The following GPC5 variants were observed in gnomAD, a reference collection of about 807,000 sequenced individuals.
The protein encoded by GPC5 is glypican 5, also known as glypican-5.
GPC5 carries 47 observed loss-of-function variants against 53.9 expected under a neutral mutation model. The observed-to-expected ratio is 0.87, with a 90% CI of 0.69 to 1.11. The LOEUF is 1.11. Ranked by LOEUF, GPC5 falls within the 50% of genes most tolerant of loss-of-function variation. The pLI is 0.00. For missense variants in GPC5, 748 were observed against 713.1 expected (o/e 1.05, Z -0.56); for synonymous variants, 286 against 263.3 (o/e 1.09, Z -0.84).
At chr13:91,816,710 C>T (rs1348904900) in intron 5 of GPC5, among the ~76,000 whole-genome samples, 2 of 152,052 alleles carry the variant, frequency 1.3e-5, no homozygotes, top group African/African-American at 2.4e-5. Flanking sequence ...TTGCAAGTTT[C>T]CCTACAACAG....
At position 91,833,597 on chromosome 13, in the gene GPC5, C is replaced by T. The variant is rs571712350; in HGVS notation, c.1281-74340C>T. On this transcript the variant is annotated intron_variant, in intron 5 of 7. Transcript: ENST00000377067. ...CTGGGATGGTTCAACATATGCAAAT[C>T]GATAAATGTAATCCATCACATAAAC... is the stretch of plus-strand genomic sequence containing the variant. Among the ~76,000 whole-genome samples, 13 of 152,240 alleles carry T rather than the reference C, an allele frequency of 8.5e-5. No homozygotes were observed. In the East Asian group the frequency reaches 1.9e-3, roughly 23 times the overall value.
intron 6 of GPC5, among the ~76,000 whole-genome samples, chr13:92,057,852 A>C (rs1368443492): frequency 2.6e-5 from 4 of 152,040 alleles, no homozygotes; most frequent in Non-Finnish European, 5.9e-5. Flanking sequence ...TACTCTTTAT[A>C]TCTAACCTGT....
rs1555306318 is a variant in GPC5 at position 91,432,203 on chromosome 13, C to CTGGTGTGTGTGTG, written c.164-16556_164-16555insGTGTGTGTGTGTG. 2.4e-3 allele frequency among the ~76,000 whole-genome samples: 322 copies of CTGGTGTGTGTGTG among 136,450 alleles called. 3 individuals are homozygous for CTGGTGTGTGTGTG. Among genetic ancestry groups the CTGGTGTGTGTGTG allele is most frequent in the African/African-American group, 8.1e-3 (294 of 36,090 alleles). 89.5% of individuals were successfully genotyped at this position (136,450 alleles called of 152,430 possible). A position where few individuals can be genotyped will look rare whatever the true frequency, so the allele number is the denominator to read the frequency against. On this transcript the variant is annotated intron_variant, in intron 1 of 7. Transcript: ENST00000377067. ...GCTTCCACTGCTGCTGCTGCTGCTGCTGTGTGTGTGTGTGTGTGTGTGTGT... is the reference window on the plus strand; with the variant it reads ...GCTTCCACTGCTGCTGCTGCTGCTGCTGGTGTGTGTGTGTGTGTGTGTGTGTGTGTGTGTGTGT...
At chr13:92,339,159 T>C (rs961402108) in intron 7 of GPC5, among the ~76,000 whole-genome samples, 1 of 151,090 alleles carries the variant, frequency 6.6e-6, no homozygotes, top group Non-Finnish European at 1.5e-5. Context: ...ATATCATACA[T>C]ATGTATCATA....
chr13:91,704,846 C>T lies in GPC5; in HGVS notation c.1020+10965C>T, dbSNP rs368475019. Among the ~76,000 whole-genome samples, 22 of 152,328 alleles carry T rather than the reference C, an allele frequency of 1.4e-4. No homozygotes were observed. In the East Asian group the frequency reaches 1.7e-3, roughly 12 times the overall value. On this transcript the variant is annotated intron_variant, in intron 3 of 7. Transcript: ENST00000377067. Reference sequence around the variant, plus strand: ...TAAGAAGGAAAATCTCTTTCCACACCTGTGATCATTCTTGGTCAATAGTTG... The same window carrying T: ...TAAGAAGGAAAATCTCTTTCCACACTTGTGATCATTCTTGGTCAATAGTTG...
intron 7 of GPC5, among the ~76,000 whole-genome samples, chr13:92,551,862 A>C (rs1446741176): frequency 6.6e-6 from 1 of 151,934 alleles, no homozygotes; most frequent in Admixed American, 6.6e-5. Flanking sequence ...AAAGAAGTCA[A>C]GCAAGTCTCT....
chr13:92,588,515 T>A (rs1238998791), intron 7 of GPC5, among the ~76,000 whole-genome samples: 2 of 152,230 alleles, frequency 1.3e-5, no homozygotes, highest in Non-Finnish European at 2.9e-5. Context: ...CTGCTTTAGA[T>A]AAGCCCTTTT....
intron 5 of GPC5, among the ~76,000 whole-genome samples, chr13:91,769,084 A>C (rs1417200515): frequency 6.6e-6 from 1 of 152,208 alleles, no homozygotes; most frequent in Non-Finnish European, 1.5e-5. Flanking sequence ...GGGGACTGGT[A>C]AGTCCAAAAT....
At chr13:92,099,121 T>C (rs896612156) in intron 6 of GPC5, among the ~76,000 whole-genome samples, 2 of 152,146 alleles carry the variant, frequency 1.3e-5, no homozygotes, top group African/African-American at 4.8e-5. Flanking sequence ...ACAAGTTTTT[T>C]TCCCCTCCAC....
At chr13:92,320,056 T>G (rs2043205789) in intron 7 of GPC5, among the ~76,000 whole-genome samples, 1 of 152,126 alleles carries the variant, frequency 6.6e-6, no homozygotes, top group Non-Finnish European at 1.5e-5. Flanking sequence ...TCAAAGTAAT[T>G]AATGTACCTA....
In GPC5 at chr13:92,138,535, AAAAAAT is replaced by A. The variant is rs755613645; in HGVS notation, c.1402-6289_1402-6284del. Among the ~76,000 whole-genome samples, 1,371 of 150,904 alleles carry A rather than the reference AAAAAAT, an allele frequency of 9.1e-3. 35 individuals carry two copies. Among genetic ancestry groups the A allele is most frequent in the Non-Finnish European group, 7.3e-3 (493 of 67,614 alleles). Reference sequence around the variant, plus strand: ...ACTCCATCTCAAAAAAATAAAAAATAAAAAATAAAAAAAAATAAAAATAAAAATAAA... The same window carrying A: ...ACTCCATCTCAAAAAAATAAAAAATAAAAAAAAAATAAAAATAAAAATAAA... On this transcript the variant is annotated intron_variant, in intron 6 of 7. Coordinates refer to ENST00000377067, the MANE Select transcript of GPC5 (RefSeq NM_004466.6).
intron 7 of GPC5, among the ~76,000 whole-genome samples, chr13:92,209,016 A>T (rs774028059): frequency 1.3e-5 from 2 of 152,236 alleles, no homozygotes; most frequent in African/African-American, 4.8e-5. Flanking sequence ...AAAATATTAG[A>T]TACAGAGTAA....
chr13:92,349,677 C>A (rs1190534501), intron 7 of GPC5, among the ~76,000 whole-genome samples: 1 of 151,828 alleles, frequency 6.6e-6, no homozygotes, highest in Admixed American at 6.6e-5. Context: ...TACAACCTAC[C>A]AAGATTGAAT....
At chr13:92,189,391 C>T (rs1328621737) in intron 7 of GPC5, among the ~76,000 whole-genome samples, 1 of 152,096 alleles carries the variant, frequency 6.6e-6, no homozygotes, top group African/African-American at 2.4e-5. Context: ...CCACCTCCAG[C>T]CGTTCTGTCC....
intron 6 of GPC5, among the ~76,000 whole-genome samples, chr13:91,955,531 GT>G (rs148507560): frequency 0.028 from 4,332 of 152,260 alleles, 85 homozygotes; most frequent in Middle Eastern, 0.061. Context: ...AGGCAGCCTG[GT>G]TAGCCACCTG....
intron 5 of GPC5, among the ~76,000 whole-genome samples, chr13:91,799,565 T>TC (rs34104383): frequency 0.36 from 54,591 of 151,944 alleles, 11,117 homozygotes; most frequent in African/African-American, 0.56. Context: ...TGTTTATGTC[T>TC]CTTCCCCCTA....
At chr13:92,334,202 G>A (rs1303554781) in intron 7 of GPC5, among the ~76,000 whole-genome samples, 1 of 152,178 alleles carries the variant, frequency 6.6e-6, no homozygotes, top group African/African-American at 2.4e-5. Flanking sequence ...GTTCCACATG[G>A]CTAGGGAGGC....
chr13:91,473,394 A>G (rs1263391128), intron 2 of GPC5, among the ~76,000 whole-genome samples: 1 of 152,152 alleles, frequency 6.6e-6, no homozygotes, highest in Non-Finnish European at 1.5e-5. Context: ...TAGTTCAATC[A>G]ATGGAATGAT....
chr13:92,289,762 C>A (rs987581979), intron 7 of GPC5, among the ~76,000 whole-genome samples: 2 of 151,812 alleles, frequency 1.3e-5, no homozygotes, highest in Non-Finnish European at 2.9e-5. Flanking sequence ...TATCATCCTC[C>A]TTTTTCCATA....
Sources: gnomAD v4.1 joint callset for allele counts (sites outside exome capture counted in the v4.1 genomes callset) on GRCh38, gnomAD v4.1.1 for gene constraint, MANE v1.5 for transcripts, NCBI Gene and HGNC (gene_info 2026-07-23, HGNC 2026-07-21) for gene names.